Variants in LARGE1 observed in about 807,000 individuals in gnomAD.
LARGE1 encodes LARGE xylosyl- and glucuronyltransferase 1, also known as xylosyl- and glucuronyltransferase LARGE1.
Under a neutral mutation model 87.6 loss-of-function variants are expected in LARGE1, and 43 were observed. The observed-to-expected ratio is 0.49, with a 90% confidence interval of 0.38 to 0.63. The LOEUF is 0.63. Ranked by LOEUF, LARGE1 falls within the 30% of genes least tolerant of loss-of-function variation. The pLI is 0.00. For missense variants in LARGE1, 802 were observed against 1,000.2 expected (o/e 0.80, Z 2.67); for synonymous variants, 434 against 394.6 (o/e 1.10, Z -1.18).
chr22:33,560,512 C>T (rs774058802), intron 6 of LARGE1, among the ~76,000 whole-genome samples: 3 of 152,212 alleles, frequency 2.0e-5, no homozygotes, highest in East Asian at 1.9e-4. Context: ...ATATTCAGCA[C>T]GGCCTTCTTC....
chr22:33,787,141 C>T (rs778608997), intron 1 of LARGE1, among the ~76,000 whole-genome samples: 1 of 152,086 alleles, frequency 6.6e-6, no homozygotes, highest in African/African-American at 2.4e-5. Context: ...TATACTTCCA[C>T]GTAACAGCTG....
chr22:33,157,781 T>C (rs1569442927), downstream of LARGE1, among the ~76,000 whole-genome samples: 1 of 152,134 alleles, frequency 6.6e-6, no homozygotes, highest in African/African-American at 2.4e-5. Context: ...AGCAATCAGA[T>C]AAAAATAATA....
chr22:33,099,364 C>T, the LARGE1 span, among the ~76,000 whole-genome samples: 14 of 152,098 alleles, frequency 9.2e-5, no homozygotes, highest in African/African-American at 2.7e-4. Context: ...AGCGATTCTC[C>T]GGCCTCAGCC....
chr22:33,515,655 T>C (rs1347865868), intron 6 of LARGE1, among the ~76,000 whole-genome samples: 2 of 152,304 alleles, frequency 1.3e-5, no homozygotes, highest in Non-Finnish European at 2.9e-5. Context: ...CCTCATTTTA[T>C]ACACTGAAGA....
At chr22:33,762,727 A>G (rs1445037749) in intron 1 of LARGE1, among the ~76,000 whole-genome samples, 1 of 152,220 alleles carries the variant, frequency 6.6e-6, no homozygotes, top group Non-Finnish European at 1.5e-5. Context: ...TGGTGCAGAC[A>G]AAGTGGATGG....
intron 2 of LARGE1, among the ~76,000 whole-genome samples, chr22:33,675,412 G>A (rs2081548420): frequency 6.6e-6 from 1 of 151,196 alleles, no homozygotes; most frequent in South Asian, 2.1e-4. Context: ...AAGAGGGAAT[G>A]AATAAGAAGA....
At chr22:33,260,337 T>C (rs1343696337) in intron 11 of LARGE1, among the ~76,000 whole-genome samples, 1 of 152,178 alleles carries the variant, frequency 6.6e-6, no homozygotes, top group East Asian at 1.9e-4. Flanking sequence ...AAAAACACCT[T>C]CCTCAGACTC....
At chr22:33,741,456 G>A (rs758338875) in intron 2 of LARGE1, among the ~76,000 whole-genome samples, 2 of 152,208 alleles carry the variant, frequency 1.3e-5, no homozygotes, top group Non-Finnish European at 2.9e-5. Flanking sequence ...ACCAACAACT[G>A]AAGCATCAAA....
intron 2 of LARGE1, among the ~76,000 whole-genome samples, chr22:33,725,334 G>A (rs569621247): frequency 5.9e-5 from 9 of 152,272 alleles, no homozygotes; most frequent in South Asian, 2.1e-4. Flanking sequence ...CATTGGCCTC[G>A]GCCGGTATTC....
At chr22:33,755,755 A>G (rs1252816207) in intron 2 of LARGE1, among the ~76,000 whole-genome samples, 1 of 152,182 alleles carries the variant, frequency 6.6e-6, no homozygotes, top group East Asian at 1.9e-4. Context: ...TCAATACCAC[A>G]GTCCTACCCA....
At chr22:33,351,638 A>C (rs1301834379) in intron 9 of LARGE1, among the ~76,000 whole-genome samples, 1 of 152,154 alleles carries the variant, frequency 6.6e-6, no homozygotes, top group Non-Finnish European at 1.5e-5. Flanking sequence ...CTAATAATAT[A>C]TGTAGATACT....
downstream of LARGE1, among the ~76,000 whole-genome samples, chr22:33,271,123 G>A (rs1928220047): frequency 1.3e-5 from 2 of 152,216 alleles, no homozygotes. Flanking sequence ...TTAGGAGATT[G>A]CTGTCTGGAC....
At chr22:33,213,011 C>T (rs1925037393) in intron 11 of LARGE1, among the ~76,000 whole-genome samples, 1 of 147,776 alleles carries the variant, frequency 6.8e-6, no homozygotes, top group African/African-American at 2.6e-5. Context: ...GAGCAAGACT[C>T]CGTCTGAAAA....
the LARGE1 span, among the ~76,000 whole-genome samples, chr22:33,074,157 C>G: frequency 6.6e-6 from 1 of 152,184 alleles, no homozygotes; most frequent in Non-Finnish European, 1.5e-5. Context: ...GAACATGTGG[C>G]TTGGCTTTGT....
intron 6 of LARGE1, among the ~76,000 whole-genome samples, chr22:33,461,558 C>T (rs9306277): frequency 0.18 from 27,585 of 150,648 alleles, 2,564 homozygotes; most frequent in South Asian, 0.24. Flanking sequence ...ATGTAAATGA[C>T]GAGTTAATGG....
chr22:33,168,943 A>G (rs757237875), intron 11 of LARGE1, among the ~76,000 whole-genome samples: 3 of 152,232 alleles, frequency 2.0e-5, no homozygotes, highest in Non-Finnish European at 4.4e-5. Flanking sequence ...TCAACAGTAA[A>G]TAATCCCTGG....
At chr22:33,566,705 GCTGATTGGTCCATTTTACAGAGCA>G (rs1323107366) in intron 5 of LARGE1, among the ~76,000 whole-genome samples, 49 of 152,206 alleles carry the variant, frequency 3.2e-4, no homozygotes, top group African/African-American at 1.2e-3. Flanking sequence ...CCCACATCCT[GCTGATTGGTCCATTTTACAGAGCA>G]CTGATTGGTC....
At chr22:33,068,410 T>G in the LARGE1 span, among the ~76,000 whole-genome samples, 35 of 151,424 alleles carry the variant, frequency 2.3e-4, no homozygotes, top group East Asian at 5.5e-3. Context: ...CTTTGGGAGG[T>G]CGAGGTGGGC....
At position 33,713,292 on chromosome 22, in the gene LARGE1, G is replaced by A. The variant is rs1266435865; in HGVS notation, c.106+48079C>T. Among the ~76,000 whole-genome samples the A allele has an allele frequency of 4.6e-5, 7 of 152,130 alleles. No homozygotes were observed. The East Asian group carries it at 1.4e-3, about 29-fold the overall frequency. On this transcript the variant is annotated intron_variant, in intron 2 of 14. Coordinates refer to ENST00000397394, the MANE Select transcript of LARGE1 (RefSeq NM_133642.5). ...AAAAGTCCCAGCTCCCCCAGGATCA[G>A]ATAAAGAAAAATGAGAGGGCTGTTT...
Sources: allele counts gnomAD v4.1 joint callset (sites outside exome capture counted in the v4.1 genomes callset), GRCh38; gene constraint gnomAD v4.1.1; transcripts MANE v1.5; gene names NCBI Gene and HGNC (gene_info 2026-07-23, HGNC 2026-07-21).